The following NRXN3 variants were observed in gnomAD, a reference collection of about 807,000 sequenced individuals.
The protein encoded by NRXN3 is neurexin III.
A neutral mutation model predicts 137.6 loss-of-function variants in NRXN3; 32 were observed. The observed-to-expected ratio is 0.23, with a 90% CI of 0.18 to 0.31. NRXN3 has a LOEUF of 0.31. Among genes scored for constraint, NRXN3 ranks in the 10% least tolerant of loss-of-function variants. The pLI, the probability that NRXN3 is intolerant of heterozygous loss-of-function variation, is 1.00. For synonymous variants in NRXN3, 798 were observed against 784.5 expected, an observed-to-expected ratio of 1.02 and a Z score of -0.29; for missense variants, 1,574 against 2,062.5, an observed-to-expected ratio of 0.76 and a Z score of 4.59.
chr14:79,739,648 CAA>C (rs72347811), intron 19 of NRXN3, among the ~76,000 whole-genome samples: 1,169 of 31,646 alleles, frequency 0.037, 1 homozygote, highest in African/African-American at 0.13. Context: ...GACTCTGCCT[CAA>C]AAAAAAAAAA....
chr14:79,438,891 C>G (rs1257126360), intron 15 of NRXN3, among the ~76,000 whole-genome samples: 1 of 152,244 alleles, frequency 6.6e-6, no homozygotes, highest in Non-Finnish European at 1.5e-5. Flanking sequence ...CGGCTGATCA[C>G]CCAAGTGTAC....
At chr14:79,705,347 C>A (rs1037705924) in intron 19 of NRXN3, among the ~76,000 whole-genome samples, 1 of 152,096 alleles carries the variant, frequency 6.6e-6, no homozygotes, top group Non-Finnish European at 1.5e-5. Context: ...ACCATATTTT[C>A]CACCACGTTG....
intron 1 of NRXN3, among the ~76,000 whole-genome samples, chr14:78,218,865 A>C (rs2063551530): frequency 1.3e-5 from 2 of 152,190 alleles, no homozygotes; most frequent in Non-Finnish European, 2.9e-5. Flanking sequence ...GGGTGGCTTA[A>C]ACAGCTGAAG....
Position 78,551,383 on chromosome 14 carries a change from A to G in NRXN3, c.758-93737A>G, listed in dbSNP as rs1397318128. On this transcript the variant is annotated intron_variant, in intron 4 of 20. Transcript: ENST00000335750. ...GAACTTTGTCTTATTACTGACTTCCAGAAGAAATTTCACAACTCTCATAAA... is the reference window on the plus strand; with the variant it reads ...GAACTTTGTCTTATTACTGACTTCCGGAAGAAATTTCACAACTCTCATAAA... Among the ~76,000 whole-genome samples the G allele has an allele frequency of 2.6e-5, 4 of 152,138 alleles. No individual in the cohort carries two copies. The East Asian group carries it at 7.7e-4, about 29-fold the overall frequency.
At chr14:78,998,762 CTT>C (rs1237108042) in intron 15 of NRXN3, among the ~76,000 whole-genome samples, 10 of 119,758 alleles carry the variant, frequency 8.4e-5, no homozygotes, top group Admixed American at 8.5e-5. Flanking sequence ...CCATGCCCAG[CTT>C]TTTTTTTTTT....
intron 15 of NRXN3, among the ~76,000 whole-genome samples, chr14:79,400,024 G>T (rs2095146476): frequency 6.6e-6 from 1 of 152,202 alleles, no homozygotes; most frequent in African/African-American, 2.4e-5. Context: ...GTGCACCTGT[G>T]TGTGCTCCTG....
chr14:79,387,274 C>T (rs1171081785), intron 15 of NRXN3, among the ~76,000 whole-genome samples: 2 of 152,046 alleles, frequency 1.3e-5, no homozygotes, highest in Non-Finnish European at 1.5e-5. Context: ...CAAACAACCC[C>T]ATCAAAAAGT....
At chr14:79,061,626 C>G (rs1414546239) in intron 15 of NRXN3, among the ~76,000 whole-genome samples, 1 of 152,208 alleles carries the variant, frequency 6.6e-6, no homozygotes, top group Non-Finnish European at 1.5e-5. Context: ...AAACAATGAA[C>G]TGGCATTGTA....
intron 4 of NRXN3, among the ~76,000 whole-genome samples, chr14:78,638,313 G>A (rs929630981): frequency 5.9e-5 from 9 of 152,016 alleles, no homozygotes; most frequent in South Asian, 2.1e-4. Context: ...ACAATTTCCC[G>A]TCTGCTGGTA....
At chr14:79,314,114 C>G (rs1228045625) in intron 15 of NRXN3, 2 of 153,402 alleles carry the variant, frequency 1.3e-5, no homozygotes, top group Admixed American at 6.6e-5. Flanking sequence ...GCGTGAGCGA[C>G]GCAGAAGACG....
intron 19 of NRXN3, among the ~76,000 whole-genome samples, chr14:79,701,703 C>G (rs758445361): frequency 1.3e-5 from 2 of 151,972 alleles, no homozygotes; most frequent in Admixed American, 1.3e-4. Flanking sequence ...AGTCACAGAG[C>G]TTTCCCAGTT....
intron 19 of NRXN3, among the ~76,000 whole-genome samples, chr14:79,724,511 G>T (rs1431771063): frequency 6.6e-6 from 1 of 152,008 alleles, no homozygotes; most frequent in Admixed American, 6.6e-5. Context: ...GAAAAGGAAT[G>T]TATGGAGGTG....
At chr14:79,784,489 G>A (rs1461304347) in intron 19 of NRXN3, among the ~76,000 whole-genome samples, 1 of 151,866 alleles carries the variant, frequency 6.6e-6, no homozygotes, top group African/African-American at 2.4e-5. Context: ...TAAAAAGAAA[G>A]TTTATCCTTG....
In NRXN3 at chr14:78,826,281, A is replaced by G. The variant is rs1244388603; in HGVS notation, c.2275+15937A>G. ...ATAGGGATACTCAGGGAGCAACTGT[A>G]GACCCCCACAGGCACTCACGACCCC... On this transcript the variant is annotated intron_variant, in intron 10 of 20. Transcript: ENST00000335750. Among the ~76,000 whole-genome samples the G allele has an allele frequency of 5.9e-5, 9 of 152,262 alleles. No individual in the cohort carries two copies. In the East Asian group the frequency reaches 1.4e-3, roughly 23 times the overall value.
At chr14:78,220,750 T>A (rs2063766188) in intron 1 of NRXN3, among the ~76,000 whole-genome samples, 1 of 151,788 alleles carries the variant, frequency 6.6e-6, no homozygotes, top group Non-Finnish European at 1.5e-5. Flanking sequence ...GAAAGAGCAC[T>A]GGGGATAAGT....
At chr14:78,678,675 G>T (rs1412769216) in intron 6 of NRXN3, among the ~76,000 whole-genome samples, 1 of 152,082 alleles carries the variant, frequency 6.6e-6, no homozygotes, top group East Asian at 1.9e-4. Flanking sequence ...ATCAAATAAT[G>T]TAGTATAAAC....
intron 15 of NRXN3, among the ~76,000 whole-genome samples, chr14:79,192,131 CCCACCTCGG>C (rs1223810912): frequency 6.6e-6 from 1 of 152,164 alleles, no homozygotes; most frequent in East Asian, 1.9e-4. Flanking sequence ...TTGTGATCTG[CCCACCTCGG>C]CCTCCCAAAG....
chr14:79,589,995 CATG>C (rs2097790083), intron 16 of NRXN3, among the ~76,000 whole-genome samples: 2 of 152,154 alleles, frequency 1.3e-5, no homozygotes, highest in African/African-American at 4.8e-5. Context: ...TTCACCAAAA[CATG>C]ATAAGCCCAT....
At position 79,197,156 on chromosome 14, in the gene NRXN3, C is replaced by T. The variant is rs140743286; in HGVS notation, c.3262+209015C>T. 1.7e-3 allele frequency among the ~76,000 whole-genome samples: 260 copies of T among 152,260 alleles called. 2 individuals are homozygous for T. Among genetic ancestry groups the T allele is most frequent in the African/African-American group, 5.9e-3 (245 of 41,542 alleles). ...ACCAAATGTCTCTGTGGAAATTCTCCTTCTCAGGTTTGCCTTATATCCACT... is the reference window on the plus strand; with the variant it reads ...ACCAAATGTCTCTGTGGAAATTCTCTTTCTCAGGTTTGCCTTATATCCACT... On this transcript the variant is annotated intron_variant, in intron 15 of 20. Coordinates refer to ENST00000335750, the MANE Select transcript of NRXN3 (RefSeq NM_001330195.2).
Sources: gnomAD v4.1 joint callset for allele counts (sites outside exome capture counted in the v4.1 genomes callset) on GRCh38, gnomAD v4.1.1 for gene constraint, MANE v1.5 for transcripts, NCBI Gene and HGNC (gene_info 2026-07-23, HGNC 2026-07-21) for gene names.